SAMHD1: variants seen among roughly 807,000 people sequenced by gnomAD.
The protein encoded by SAMHD1 is SAM and HD domain containing deoxynucleoside triphosphate triphosphohydrolase 1.
In SAMHD1, 54 loss-of-function variants were observed where a neutral mutation model predicts 79.6. That is an observed-to-expected ratio of 0.68 (90% CI 0.55 to 0.85). The LOEUF (loss-of-function observed/expected upper bound fraction) is 0.85. SAMHD1 is among the 40% of genes least tolerant of loss of function. The pLI is 0.00. For missense variants in SAMHD1, 663 were observed against 782.7 expected (o/e 0.85, Z 1.82); for synonymous variants, 260 against 264.1 (o/e 0.98, Z 0.15).
chr20:36,933,590 C>A (rs539646127), intron 4 of SAMHD1, among the ~76,000 whole-genome samples: 1 of 151,980 alleles, frequency 6.6e-6, no homozygotes, highest in Non-Finnish European at 1.5e-5. Flanking sequence ...CTTGGCCTCC[C>A]GGGTTCAAGC....
intron 13 of SAMHD1, among the ~76,000 whole-genome samples, chr20:36,903,237 C>T (rs529169126): frequency 1.3e-5 from 2 of 152,154 alleles, no homozygotes; most frequent in South Asian, 4.1e-4. Flanking sequence ...GTGTAATCTG[C>T]TGAGACTATT....
intron 4 of SAMHD1, 94 bp downstream of exon 4, chr20:36,934,935 G>C: frequency 1.5e-6 from 2 of 1,332,792 alleles, no homozygotes; most frequent in Admixed American, 1.7e-5. Context: ...TGGGATTATA[G>C]GTGTGAGCCA....
intron 4 of SAMHD1, among the ~76,000 whole-genome samples, chr20:36,933,347 G>C (rs1467435994): frequency 6.6e-6 from 1 of 152,142 alleles, no homozygotes; most frequent in Non-Finnish European, 1.5e-5. Context: ...GATTATGAAT[G>C]CTTTTTTAAC....
At chr20:36,928,557 C>T (rs1021647857) in intron 5 of SAMHD1, among the ~76,000 whole-genome samples, 1 of 151,360 alleles carries the variant, frequency 6.6e-6, no homozygotes, top group Non-Finnish European at 1.5e-5. Context: ...TGGTGGCAGG[C>T]GCCTGTAATA....
intron 13 of SAMHD1, among the ~76,000 whole-genome samples, chr20:36,899,822 G>T (rs545082542): frequency 6.6e-6 from 1 of 152,070 alleles, no homozygotes; most frequent in Non-Finnish European, 1.5e-5. Context: ...TGTAAGAGGC[G>T]CAATGGCTCA....
intron 13 of SAMHD1, 29 bp downstream of exon 13, chr20:36,904,128 C>T (rs2063391983): frequency 7.1e-7 from 1 of 1,406,586 alleles, no homozygotes; most frequent in African/African-American, 1.4e-5. Flanking sequence ...AACGTATTCA[C>T]TCAGTTTATT....
chr20:36,916,990 T>G lies in SAMHD1; in HGVS notation c.912A>C (p.Lys304Asn), dbSNP rs1331337115. The G allele has an allele frequency of 6.2e-7, 1 of 1,613,976 alleles. No homozygotes were observed. The highest frequency in any genetic ancestry group is 8.5e-7 in the Non-Finnish European group (1 of 1,179,966). Reference protein sequence around the residue: ...KSFLYEIVSNKRNGIDVDKWD... With the variant: ...KSFLYEIVSNNRNGIDVDKWD... ...ATTTGTCCACATCAATGCCATTTCT[T>G]TTATTAGATACTATCTCATAAAGGA... The change falls in exon 8 of 16, where the codon AAA (lysine) becomes AAC (asparagine). Residue 304 changes from lysine to asparagine, a missense_variant. Physicochemically the swap from Lys to Asn is moderately conservative, Grantham distance 94. Coordinates refer to ENST00000646673, the MANE Select transcript of SAMHD1 (RefSeq NM_015474.4).
intron 4 of SAMHD1, among the ~76,000 whole-genome samples, chr20:36,932,584 G>A (rs2063575287): frequency 6.6e-6 from 1 of 150,892 alleles, no homozygotes; most frequent in African/African-American, 2.4e-5. Flanking sequence ...TGCCCGGCTG[G>A]TTTTGTATTT....
At chr20:36,906,629 T>G (rs1281511288) in intron 11 of SAMHD1, among the ~76,000 whole-genome samples, 1 of 152,140 alleles carries the variant, frequency 6.6e-6, no homozygotes, top group Non-Finnish European at 1.5e-5. Context: ...AACAATGATT[T>G]TTTAATGTCC....
At position 36,912,495 on chromosome 20, in the gene SAMHD1, A is replaced by G; in HGVS notation, c.1120T>C (p.Tyr374His). 1.2e-6 allele frequency: 2 copies of G among 1,613,346 alleles called. No individual in the cohort carries two copies. The highest frequency in any genetic ancestry group is 1.7e-6 in the Non-Finnish European group (2 of 1,179,362). Residue 374 changes from tyrosine (Y) to histidine (H), a missense_variant, in exon 10 of 16, where the codon TAT becomes CAT. Physicochemically the swap from Tyr to His is moderately conservative, Grantham distance 83. Transcript: ENST00000646673. ...ATAATGTTGCCAACTTTGTGTTGAT[A>G]AGCTCTACGGTGTAAAGAGTTGCGA... Reference protein sequence around the residue: ...HTRNSLHRRAYQHKVGNIIDT... With the variant: ...HTRNSLHRRAHQHKVGNIIDT...
chr20:36,932,556 T>C (rs1431034135), intron 4 of SAMHD1, among the ~76,000 whole-genome samples: 1 of 149,282 alleles, frequency 6.7e-6, no homozygotes, highest in Non-Finnish European at 1.5e-5. Context: ...TAGCTGGGAT[T>C]ACAGGTACAC....
intron 3 of SAMHD1, among the ~76,000 whole-genome samples, chr20:36,937,276 CTG>C (rs1414174186): frequency 2.0e-5 from 3 of 152,110 alleles, no homozygotes; most frequent in African/African-American, 2.4e-5. Flanking sequence ...ATAAAGAACA[CTG>C]TGTCAAGAAC....
chr20:36,916,465 CAA>C (rs561309922), intron 9 of SAMHD1: 243 of 333,742 alleles, frequency 7.3e-4, no homozygotes, highest in East Asian at 1.0e-3. Context: ...GATCCTATTT[CAA>C]AAAAAAAAAA....
intron 12 of SAMHD1, chr20:36,904,835 T>C (rs1219813797): frequency 5.6e-6 from 1 of 179,748 alleles, no homozygotes; most frequent in African/African-American, 2.4e-5. Context: ...TAGGATGTGG[T>C]TATAAGTATG....
At chr20:36,942,445 T>C (rs1158555515) in intron 2 of SAMHD1, among the ~76,000 whole-genome samples, 2 of 151,828 alleles carry the variant, frequency 1.3e-5, no homozygotes, top group Admixed American at 1.3e-4. Flanking sequence ...AAAACCAAAA[T>C]CACTGATTAG....
intron 7 of SAMHD1, among the ~76,000 whole-genome samples, chr20:36,918,107 AG>A (rs1477723480): frequency 1.3e-5 from 2 of 151,682 alleles, no homozygotes; most frequent in Admixed American, 1.3e-4. Context: ...AGCCTGCCTC[AG>A]CCTCCCAAGC....
intron 4 of SAMHD1, chr20:36,934,517 C>CAAAAAAAAAAAAA (rs35696057): frequency 1.9e-5 from 1 of 53,986 alleles, no homozygotes; most frequent in African/African-American, 7.2e-5. Flanking sequence ...GACTCTGTCT[C>CAAAAAAAAAAAAA]AAAAAAAAAA....
intron 5 of SAMHD1, among the ~76,000 whole-genome samples, chr20:36,928,335 G>A (rs2063548554): frequency 6.6e-6 from 1 of 151,518 alleles, no homozygotes; most frequent in African/African-American, 2.4e-5. Flanking sequence ...CTTGCAGTGA[G>A]CCAAGATCAC....
chr20:36,938,608 G>A (rs906908638), intron 3 of SAMHD1, among the ~76,000 whole-genome samples: 4 of 151,756 alleles, frequency 2.6e-5, no homozygotes, highest in Non-Finnish European at 4.4e-5. Flanking sequence ...AGGCTGAGGC[G>A]GGTGGATTAT....
Sources: allele counts gnomAD v4.1 joint callset (sites outside exome capture counted in the v4.1 genomes callset), GRCh38; gene constraint gnomAD v4.1.1; transcripts MANE v1.5; gene names NCBI Gene and HGNC (gene_info 2026-07-23, HGNC 2026-07-21).